AKAP6: variants seen among roughly 807,000 people sequenced by gnomAD.
AKAP6 encodes the protein A-kinase anchoring protein 6.
AKAP6 carries 58 observed loss-of-function variants against 188.5 expected under a neutral mutation model. The observed-to-expected ratio is 0.31, with a 90% CI of 0.25 to 0.38. AKAP6 has a LOEUF of 0.38. Among genes scored for constraint, AKAP6 ranks in the 10% least tolerant of loss-of-function variants. The pLI, the probability that AKAP6 is intolerant of heterozygous loss-of-function variation, is 1.00. For synonymous variants in AKAP6, 989 were observed against 998.6 expected (o/e 0.99, Z 0.18); for missense variants, 2,710 against 2,740.0 (o/e 0.99, Z 0.24).
At chr14:32,564,474 A>G (rs944110758) in intron 4 of AKAP6, among the ~76,000 whole-genome samples, 3 of 152,222 alleles carry the variant, frequency 2.0e-5, no homozygotes, top group African/African-American at 7.2e-5. Context: ...GAGAAAGTGT[A>G]TTGGAAAGGC....
At chr14:32,470,298 T>C (rs1249151016) in intron 2 of AKAP6, among the ~76,000 whole-genome samples, 1 of 152,174 alleles carries the variant, frequency 6.6e-6, no homozygotes, top group Non-Finnish European at 1.5e-5. Context: ...ACATTAAGAT[T>C]TGAGAAGCAA....
intron 9 of AKAP6, among the ~76,000 whole-genome samples, chr14:32,726,507 T>G (rs948084144): frequency 6.6e-6 from 1 of 152,264 alleles, no homozygotes; most frequent in African/African-American, 2.4e-5. Flanking sequence ...AATTTTATAC[T>G]TGTGTTATTT....
At chr14:32,718,165 G>T in intron 9 of AKAP6, 1 of 396,772 alleles carries the variant, frequency 2.5e-6, no homozygotes, top group Non-Finnish European at 3.4e-6. Flanking sequence ...TACTGACCTT[G>T]GGCAAGTCAC....
At chr14:32,509,712 CCTT>C (rs1189289351) in intron 2 of AKAP6, among the ~76,000 whole-genome samples, 1 of 152,066 alleles carries the variant, frequency 6.6e-6, no homozygotes, top group Non-Finnish European at 1.5e-5. Context: ...ACACCAGTCT[CCTT>C]CTTAGGGTAG....
At chr14:32,792,540 A>T in intron 12 of AKAP6, among the ~76,000 whole-genome samples, 1 of 152,058 alleles carries the variant, frequency 6.6e-6, no homozygotes, top group East Asian at 1.9e-4. Context: ...GGGTTTTCTA[A>T]ATATACAGTC....
intron 9 of AKAP6, among the ~76,000 whole-genome samples, chr14:32,700,728 A>G (rs947693962): frequency 6.6e-6 from 1 of 152,154 alleles, no homozygotes; most frequent in East Asian, 1.9e-4. Flanking sequence ...AATAGTCTCT[A>G]CCATCTACTC....
chr14:32,769,855 A>G (rs2032843529), intron 11 of AKAP6, among the ~76,000 whole-genome samples: 1 of 152,030 alleles, frequency 6.6e-6, no homozygotes, highest in Admixed American at 6.6e-5. Flanking sequence ...AAGCTTATTT[A>G]TATCCTTTTA....
chr14:32,510,414 G>GTGTATA lies in AKAP6; in HGVS notation c.325-25139_325-25138insGTATAT, dbSNP rs550899005. On this transcript the variant is annotated intron_variant, in intron 2 of 13. Coordinates refer to ENST00000280979, the MANE Select transcript of AKAP6 (RefSeq NM_004274.5). ...TATGTGTATATATATGTATATATAT[G>GTGTATA]TATATATATACATATATATATGTGT... is the stretch of plus-strand genomic sequence containing the variant. Among the ~76,000 whole-genome samples, 25 of 112,318 alleles carry GTGTATA rather than the reference G, an allele frequency of 2.2e-4. 1 individual carries two copies. Among genetic ancestry groups the GTGTATA allele is most frequent in the African/African-American group, 9.6e-4 (25 of 25,978 alleles). 73.7% of individuals were successfully genotyped at this position (112,318 alleles called of 152,430 possible). A position where few individuals can be genotyped will look rare whatever the true frequency, so the allele number is the denominator to read the frequency against.
At chr14:32,395,067 C>T (rs576532932) in intron 1 of AKAP6, among the ~76,000 whole-genome samples, 3 of 148,344 alleles carry the variant, frequency 2.0e-5, no homozygotes, top group African/African-American at 5.1e-5. Flanking sequence ...CCAAAGCTGC[C>T]CTCCTAGCCT....
At chr14:32,732,742 T>C in intron 10 of AKAP6, 142 bp downstream of exon 10, 1 of 977,798 alleles carries the variant, frequency 1.0e-6, no homozygotes, top group South Asian at 1.5e-5. Flanking sequence ...ATTCATGCTA[T>C]TATGGGAAAG....
At chr14:32,535,528 A>G in intron 2 of AKAP6, 26 bp from the exon 3 acceptor site, 1 of 1,601,682 alleles carries the variant, frequency 6.2e-7, no homozygotes, top group Non-Finnish European at 8.5e-7. Context: ...AGTAGTCCTC[A>G]CATATGTTGC....
intron 5 of AKAP6, among the ~76,000 whole-genome samples, chr14:32,579,898 G>A (rs1377576154): frequency 1.3e-5 from 2 of 152,064 alleles, no homozygotes; most frequent in African/African-American, 4.8e-5. Context: ...AGATTATCCA[G>A]TAGTAGAGGT....
At chr14:32,398,842 C>CTTT (rs1888973353) in intron 1 of AKAP6, among the ~76,000 whole-genome samples, 2 of 117,126 alleles carry the variant, frequency 1.7e-5, no homozygotes, top group African/African-American at 7.0e-5. Flanking sequence ...CTCTTTCTTC[C>CTTT]TGTTTTTTTT....
chr14:32,358,972 T>C (rs1189370040), intron 1 of AKAP6, among the ~76,000 whole-genome samples: 1 of 152,172 alleles, frequency 6.6e-6, no homozygotes, highest in East Asian at 1.9e-4. Context: ...GAAATGAGCA[T>C]CTGGCAGGCT....
At chr14:32,433,883 T>A (rs1441028178) in intron 2 of AKAP6, 66 bp downstream of exon 2, 2 of 1,454,150 alleles carry the variant, frequency 1.4e-6, no homozygotes, top group Non-Finnish European at 1.9e-6. Flanking sequence ...CTAGAGACTG[T>A]GTTCTGTAAT....
chr14:32,614,504 T>C (rs1264131331), intron 7 of AKAP6, among the ~76,000 whole-genome samples: 2 of 152,224 alleles, frequency 1.3e-5, no homozygotes, highest in Non-Finnish European at 2.9e-5. Flanking sequence ...TAAAATTTGA[T>C]ATTAGGAAGT....
intron 7 of AKAP6, among the ~76,000 whole-genome samples, chr14:32,658,115 C>T (rs1211686730): frequency 1.3e-5 from 2 of 151,774 alleles, no homozygotes; most frequent in Non-Finnish European, 2.9e-5. Context: ...TTCTTTGATC[C>T]CTGAGAAAGA....
At chr14:32,426,073 G>C (rs989203890) in intron 1 of AKAP6, among the ~76,000 whole-genome samples, 1 of 152,190 alleles carries the variant, frequency 6.6e-6, no homozygotes, top group Non-Finnish European at 1.5e-5. Flanking sequence ...TGGCTAGCCA[G>C]TTATCCCAGC....
intron 1 of AKAP6, among the ~76,000 whole-genome samples, chr14:32,390,513 T>G (rs1031041073): frequency 6.6e-6 from 1 of 152,168 alleles, no homozygotes; most frequent in African/African-American, 2.4e-5. Flanking sequence ...TGAAGGCTGT[T>G]GTTTAGATTC....
Sources: allele counts gnomAD v4.1 joint callset (sites outside exome capture counted in the v4.1 genomes callset), GRCh38; gene constraint gnomAD v4.1.1; transcripts MANE v1.5; gene names NCBI Gene and HGNC (gene_info 2026-07-23, HGNC 2026-07-21).